The following MYO1E variants were observed in gnomAD, a reference collection of about 807,000 sequenced individuals.
MYO1E encodes the protein unconventional myosin-Ie.
A neutral mutation model predicts 151.1 loss-of-function variants in MYO1E; 68 were observed. The observed-to-expected ratio is 0.45, with a 90% CI of 0.37 to 0.55. The LOEUF is 0.55. Ranked by LOEUF, MYO1E falls within the 20% of genes least tolerant of loss-of-function variation. MYO1E has a pLI of 0.00. For missense variants in MYO1E, 1,363 were observed against 1,389.3 expected (o/e 0.98, Z 0.30); for synonymous variants, 601 against 501.7 (o/e 1.20, Z -2.64).
chr15:59,272,430 T>C lies in MYO1E; in HGVS notation c.23A>G (p.Gln8Arg). The change falls in exon 2 of 28, where the codon CAG becomes CGG. Residue 8 changes from glutamine (Q) to arginine (R), a missense_variant. By Grantham distance (43) the Gln-to-Arg change is conservative. Transcript: ENST00000288235. MGSKGVY[Q>R]YHWQSHNVKH... Reference sequence around the variant, plus strand: ...GACATTGTGGCTTTGCCAGTGGTACTGGTAGACACCTTTGCTTCCCTGGGA... The same window carrying C: ...GACATTGTGGCTTTGCCAGTGGTACCGGTAGACACCTTTGCTTCCCTGGGA... 1 of 1,614,256 alleles carries C rather than the reference T, an allele frequency of 6.2e-7. No individual in the cohort carries two copies. Among genetic ancestry groups the C allele is most frequent in the Non-Finnish European group, 8.5e-7 (1 of 1,180,034 alleles).
At chr15:59,266,001 T>C (rs762134542) in intron 2 of MYO1E, among the ~76,000 whole-genome samples, 3 of 152,084 alleles carry the variant, frequency 2.0e-5, no homozygotes, top group South Asian at 2.1e-4. Context: ...AAAAATAAAA[T>C]GGCTGTTTCT....
chr15:59,222,169 T>C (rs142468223), intron 9 of MYO1E, among the ~76,000 whole-genome samples: 2 of 152,220 alleles, frequency 1.3e-5, no homozygotes, highest in Non-Finnish European at 2.9e-5. Context: ...AACAAAAACA[T>C]AAAAAAAGAA....
At chr15:59,308,277 T>C (rs1188851309) in intron 1 of MYO1E, among the ~76,000 whole-genome samples, 6 of 139,964 alleles carry the variant, frequency 4.3e-5, no homozygotes, top group Admixed American at 1.4e-4. Context: ...GGCTCACACC[T>C]GTAATCCCAG....
intron 8 of MYO1E, among the ~76,000 whole-genome samples, chr15:59,223,436 C>G (rs1455744644): frequency 1.3e-5 from 2 of 152,166 alleles, no homozygotes; most frequent in Non-Finnish European, 2.9e-5. Flanking sequence ...ACATTCTTCT[C>G]ACGTCTCAAA....
intron 1 of MYO1E, among the ~76,000 whole-genome samples, chr15:59,371,521 G>GC (rs761712684): frequency 3.0e-4 from 46 of 151,680 alleles, no homozygotes; most frequent in Admixed American, 5.9e-4. Flanking sequence ...CCACGCCAAA[G>GC]CCCAAGGGAG....
chr15:59,286,640 G>A (rs2080389320), intron 1 of MYO1E, among the ~76,000 whole-genome samples: 2 of 152,138 alleles, frequency 1.3e-5, no homozygotes, highest in African/African-American at 4.8e-5. Flanking sequence ...GGGATACGGA[G>A]TCCAGGGAAA....
At chr15:59,269,626 G>C (rs1197454436) in intron 2 of MYO1E, among the ~76,000 whole-genome samples, 1 of 152,190 alleles carries the variant, frequency 6.6e-6, no homozygotes, top group African/African-American at 2.4e-5. Flanking sequence ...GGGAGGCTGA[G>C]GTGGACAGAT....
chr15:59,136,861 G>A lies in MYO1E; in HGVS notation c.*519C>T, dbSNP rs1242307516. ...GGGCTCAGCAGGCCAGCTTACCCTT[G>A]GCACGTACATGGGAAGTGCCTGCTC... On this transcript the variant is annotated 3_prime_UTR_variant, in exon 28 of 28. Transcript: ENST00000288235. 4.6e-6 allele frequency: 2 copies of A among 436,028 alleles called. No homozygotes were observed. Among genetic ancestry groups the A allele is most frequent in the Non-Finnish European group, 4.6e-6 (1 of 215,532 alleles). 27.0% of individuals were successfully genotyped at this position (436,028 alleles called of 1,614,324 possible).
chr15:59,230,443 TG>T (rs1231095457), intron 6 of MYO1E, among the ~76,000 whole-genome samples: 2 of 152,068 alleles, frequency 1.3e-5, no homozygotes, highest in Non-Finnish European at 2.9e-5. Context: ...TTTTTTTTTC[TG>T]GTCTCCAAGG....
chr15:59,221,002 T>C (rs1334709986), intron 9 of MYO1E, among the ~76,000 whole-genome samples: 3 of 144,352 alleles, frequency 2.1e-5, no homozygotes, highest in Non-Finnish European at 4.5e-5. Context: ...TATATAATTA[T>C]ATATATAATA....
chr15:59,333,691 A>C (rs1262780253), intron 1 of MYO1E, among the ~76,000 whole-genome samples: 1 of 152,058 alleles, frequency 6.6e-6, no homozygotes, highest in Non-Finnish European at 1.5e-5. Flanking sequence ...TTCTTTCTAG[A>C]TCCATTCTCT....
rs142181111 is a variant in MYO1E, at chr15:59,169,409, A to G, written c.2480+2488T>C. 5.3e-3 allele frequency among the ~76,000 whole-genome samples: 811 copies of G among 152,344 alleles called. 6 individuals are homozygous for G. Among genetic ancestry groups the G allele is most frequent in the African/African-American group, 0.019 (779 of 41,578 alleles). On this transcript the variant is annotated intron_variant, in intron 22 of 27. Coordinates refer to ENST00000288235, the MANE Select transcript of MYO1E (RefSeq NM_004998.4). ...ATTTCCACTCTGGGTTCGATTCTGCACACACATCACCCTCTGGTTGCTTTC... is the reference window on the plus strand; with the variant it reads ...ATTTCCACTCTGGGTTCGATTCTGCGCACACATCACCCTCTGGTTGCTTTC...
intron 1 of MYO1E, among the ~76,000 whole-genome samples, chr15:59,326,865 T>C (rs1328025281): frequency 6.6e-6 from 1 of 152,220 alleles, no homozygotes; most frequent in Non-Finnish European, 1.5e-5. Flanking sequence ...GTCTACCTCT[T>C]ATGGGCTGAG....
chr15:59,328,314 T>C (rs1397788646), intron 1 of MYO1E, among the ~76,000 whole-genome samples: 3 of 152,084 alleles, frequency 2.0e-5, no homozygotes, highest in Non-Finnish European at 4.4e-5. Flanking sequence ...AGAAGAGAGA[T>C]TCTGCAGGAG....
rs573333053 is a variant in MYO1E at position 59,372,770 on chromosome 15, G to A, written c.-270C>T. ...AGTCCACTCGTACTCGCCGGTCGCC[G>A]CCGGCCCAGGTGAGTCCGATGCGCT... is the stretch of plus-strand genomic sequence containing the variant. On this transcript the variant is annotated 5_prime_UTR_variant, in exon 1 of 28. Transcript: ENST00000288235. The A allele has an allele frequency of 3.7e-6, 2 of 536,002 alleles. No individual in the cohort carries two copies. The highest frequency in any genetic ancestry group is 6.6e-6 in the Non-Finnish European group (2 of 303,310). The allele number at this position is 536,002 out of a possible 1,614,324, so 33.2% of individuals were successfully genotyped here.
intron 1 of MYO1E, among the ~76,000 whole-genome samples, chr15:59,297,609 C>A (rs1048831025): frequency 6.6e-6 from 1 of 151,630 alleles, no homozygotes; most frequent in Admixed American, 6.6e-5. Flanking sequence ...GAGACAGGGT[C>A]GTGCTCTTGT....
At chr15:59,233,113 A>G (rs75537897) in intron 5 of MYO1E, among the ~76,000 whole-genome samples, 1,772 of 141,306 alleles carry the variant, frequency 0.013, 18 homozygotes, top group Non-Finnish European at 0.019. Context: ...AACTCTTTCT[A>G]TCTTTTTTTT....
intron 1 of MYO1E, among the ~76,000 whole-genome samples, chr15:59,328,933 G>A (rs2080682824): frequency 1.3e-5 from 2 of 152,138 alleles, no homozygotes; most frequent in South Asian, 2.1e-4. Context: ...AGTTCAGAGA[G>A]GTTAAGAAAC....
chr15:59,218,230 C>T (rs774802126), intron 9 of MYO1E, 143 bp from the exon 10 acceptor site: 13 of 898,706 alleles, frequency 1.4e-5, no homozygotes, highest in Non-Finnish European at 2.1e-5. Flanking sequence ...AGCTTACGTT[C>T]TAGTGAAGGC....
Sources: allele counts gnomAD v4.1 joint callset (sites outside exome capture counted in the v4.1 genomes callset), GRCh38; gene constraint gnomAD v4.1.1; transcripts MANE v1.5; gene names NCBI Gene and HGNC (gene_info 2026-07-23, HGNC 2026-07-21).